The following CLASP1 variants were observed in gnomAD, a reference collection of about 807,000 sequenced individuals.
The protein encoded by CLASP1 is CLIP-associating protein 1.
A neutral mutation model predicts 192.3 loss-of-function variants in CLASP1; 38 were observed. The observed-to-expected ratio is 0.20, with a 90% CI of 0.15 to 0.26. The LOEUF is 0.26. CLASP1 is among the 10% of genes least tolerant of loss of function. CLASP1 has a pLI of 1.00. For missense variants in CLASP1, 1,433 were observed against 1,932.5 expected, an observed-to-expected ratio of 0.74 and a Z score of 4.85; for synonymous variants, 691 against 712.8, an observed-to-expected ratio of 0.97 and a Z score of 0.49.
intron 1 of CLASP1, among the ~76,000 whole-genome samples, chr2:121,631,613 T>A (rs115318885): frequency 6.6e-6 from 1 of 151,664 alleles, no homozygotes; most frequent in Non-Finnish European, 1.5e-5. Flanking sequence ...AACATATTTT[T>A]AAAATACATA....
At chr2:121,620,028 T>C (rs2067069858) in intron 1 of CLASP1, among the ~76,000 whole-genome samples, 1 of 151,820 alleles carries the variant, frequency 6.6e-6, no homozygotes, top group Admixed American at 6.6e-5. Context: ...TCAAGACCAG[T>C]CTGGCCAACA....
At chr2:121,629,770 G>A (rs1389058958) in intron 1 of CLASP1, among the ~76,000 whole-genome samples, 4 of 151,854 alleles carry the variant, frequency 2.6e-5, no homozygotes, top group African/African-American at 4.8e-5. Context: ...TAGCCTGGGC[G>A]ACAAGAGCGA....
At chr2:121,577,591 C>T (rs1416425964) in intron 2 of CLASP1, among the ~76,000 whole-genome samples, 1 of 152,164 alleles carries the variant, frequency 6.6e-6, no homozygotes, top group African/African-American at 2.4e-5. Flanking sequence ...AAGTTATTTT[C>T]CTCACTGTTC....
Position 121,593,621 on chromosome 2 carries a change from C to T in CLASP1, c.195+12080G>A, listed in dbSNP as rs1003512333. ...GCAACAAGAGAAAAGAGAAAAACTC[C>T]GTCTCAAAAAAAAAAAAAAAAAAAG... is the stretch of plus-strand genomic sequence containing the variant. On this transcript the variant is annotated intron_variant, in intron 2 of 39. Transcript: ENST00000263710. 1.1e-4 allele frequency among the ~76,000 whole-genome samples: 12 copies of T among 104,820 alleles called. No individual in the cohort carries two copies. In the East Asian group the frequency reaches 1.6e-3, roughly 14 times the overall value. The allele number at this position is 104,820 out of a possible 152,430, so 68.8% of individuals were successfully genotyped here.
intron 19 of CLASP1, among the ~76,000 whole-genome samples, chr2:121,430,712 T>C (rs746386982): frequency 6.6e-6 from 1 of 152,158 alleles, no homozygotes; most frequent in Non-Finnish European, 1.5e-5. Flanking sequence ...GTTTTTGATA[T>C]GCAGCATTAA....
At chr2:121,476,885 G>T (rs1366648666) in intron 8 of CLASP1, among the ~76,000 whole-genome samples, 1 of 152,184 alleles carries the variant, frequency 6.6e-6, no homozygotes, top group Non-Finnish European at 1.5e-5. Context: ...TGAGCCCAAA[G>T]GCGGCTGCTT....
At chr2:121,527,076 T>C (rs528724189) in intron 5 of CLASP1, among the ~76,000 whole-genome samples, 1 of 152,370 alleles carries the variant, frequency 6.6e-6, no homozygotes, top group African/African-American at 2.4e-5. Flanking sequence ...GGGAAAAACT[T>C]GGCAGTACCT....
Position 121,445,339 on chromosome 2 carries a change from A to T in CLASP1, c.1912+1998T>A, listed in dbSNP as rs1333344543. 3.2e-5 allele frequency: 17 copies of T among 528,946 alleles called. No individual in the cohort carries two copies. The East Asian group carries it at 9.6e-4, about 30-fold the overall frequency. 32.8% of individuals were successfully genotyped at this position (528,946 alleles called of 1,614,324 possible). A position where few individuals can be genotyped will look rare whatever the true frequency, so the allele number is the denominator to read the frequency against. On this transcript the variant is annotated intron_variant, in intron 19 of 39. Transcript: ENST00000263710. ...GAGAGGAGGAACTAGAAGCTAAAATACTAAAGAGTTACCCAAAAGGCAGAG... is the reference window on the plus strand; with the variant it reads ...GAGAGGAGGAACTAGAAGCTAAAATTCTAAAGAGTTACCCAAAAGGCAGAG...
intron 2 of CLASP1, among the ~76,000 whole-genome samples, chr2:121,558,255 C>A (rs774818160): frequency 6.6e-6 from 1 of 152,110 alleles, no homozygotes; most frequent in Non-Finnish European, 1.5e-5. Flanking sequence ...GCCCAATGGA[C>A]TGGCCTGTCC....
chr2:121,355,686 A>C (rs936094726), intron 37 of CLASP1, among the ~76,000 whole-genome samples: 1 of 152,250 alleles, frequency 6.6e-6, no homozygotes, highest in African/African-American at 2.4e-5. Context: ...TATGTAACAT[A>C]AGAAGCAAAG....
At chr2:121,511,409 A>T (rs1179607021) in intron 7 of CLASP1, among the ~76,000 whole-genome samples, 2 of 151,954 alleles carry the variant, frequency 1.3e-5, no homozygotes, top group Non-Finnish European at 2.9e-5. Flanking sequence ...ACCAACATGG[A>T]GAAACCCCGT....
chr2:121,580,401 G>A (rs949125077), intron 2 of CLASP1, among the ~76,000 whole-genome samples: 12 of 152,222 alleles, frequency 7.9e-5, no homozygotes, highest in African/African-American at 2.4e-4. Context: ...TGCCTATTGC[G>A]AGGTATTTTA....
At chr2:121,492,250 G>A (rs1184581514) in intron 8 of CLASP1, among the ~76,000 whole-genome samples, 18 of 151,844 alleles carry the variant, frequency 1.2e-4, no homozygotes, top group African/African-American at 3.6e-4. Context: ...TTAGCCGGGC[G>A]TGGTGGCGGG....
chr2:121,494,276 A>C (rs898305191), intron 8 of CLASP1, among the ~76,000 whole-genome samples: 1 of 152,238 alleles, frequency 6.6e-6, no homozygotes, highest in Non-Finnish European at 1.5e-5. Context: ...CCATAAAAAG[A>C]ATGAGATCCT....
intron 21 of CLASP1, among the ~76,000 whole-genome samples, chr2:121,427,048 T>C (rs2080523545): frequency 6.6e-6 from 1 of 151,880 alleles, no homozygotes; most frequent in Middle Eastern, 3.4e-3. Context: ...ACATATTATA[T>C]AAATCAAAAC....
intron 2 of CLASP1, among the ~76,000 whole-genome samples, chr2:121,570,166 T>C (rs1381616632): frequency 1.3e-5 from 2 of 152,196 alleles, no homozygotes; most frequent in African/African-American, 2.4e-5. Flanking sequence ...GTCTGTTCTC[T>C]CCTCTCTCCC....
intron 2 of CLASP1, among the ~76,000 whole-genome samples, chr2:121,591,025 G>A (rs577649890): frequency 1.3e-4 from 19 of 151,974 alleles, no homozygotes; most frequent in Non-Finnish European, 2.4e-4. Context: ...GCACCACCAC[G>A]CCCAGCTAAT....
chr2:121,498,250 C>G (rs1357819223), intron 8 of CLASP1, among the ~76,000 whole-genome samples: 3 of 139,570 alleles, frequency 2.1e-5, no homozygotes, highest in African/African-American at 8.7e-5. Flanking sequence ...CAGGCTGGAG[C>G]GCAGTGGTAC....
intron 8 of CLASP1, chr2:121,470,619 G>T (rs10203105): frequency 9.0e-6 from 4 of 446,830 alleles, no homozygotes; most frequent in Non-Finnish European, 1.8e-5. Context: ...CTCACCATTA[G>T]AAATGCAATA....
Sources: gnomAD v4.1 joint callset for allele counts (sites outside exome capture counted in the v4.1 genomes callset) on GRCh38, gnomAD v4.1.1 for gene constraint, MANE v1.5 for transcripts, NCBI Gene and HGNC (gene_info 2026-07-23, HGNC 2026-07-21) for gene names.